TRPC4: variants seen among roughly 807,000 people sequenced by gnomAD.
The protein encoded by TRPC4 is short transient receptor potential channel 4.
A neutral mutation model predicts 99.4 loss-of-function variants in TRPC4; 49 were observed. That is an observed-to-expected ratio of 0.49 (90% confidence interval 0.39 to 0.63). The LOEUF is 0.63. Ranked by LOEUF, TRPC4 falls within the 20% of genes least tolerant of loss-of-function variation. The pLI, the probability that TRPC4 is intolerant of heterozygous loss-of-function variation, is 0.00. For synonymous variants in TRPC4, 454 were observed against 425.9 expected (o/e 1.07, Z -0.81); for missense variants, 898 against 1,152.9 (o/e 0.78, Z 3.20).
At chr13:37,789,937 A>G (rs1349124433) in intron 1 of TRPC4, among the ~76,000 whole-genome samples, 1 of 152,170 alleles carries the variant, frequency 6.6e-6, no homozygotes, top group African/African-American at 2.4e-5. Flanking sequence ...TGAGTATCTT[A>G]TAACAGAAGA....
chr13:37,674,330 G>C lies in TRPC4; in HGVS notation c.1272C>G (p.Gly424=). 6.2e-7 allele frequency: 1 copy of C among 1,606,742 alleles called. No homozygotes were observed. Among genetic ancestry groups the C allele is most frequent in the South Asian group, 1.1e-5 (1 of 87,844 alleles). Residue 424 remains glycine (G), a synonymous_variant, in exon 5 of 11, where the codon GGC becomes GGG. Coordinates refer to ENST00000379705, the MANE Select transcript of TRPC4 (RefSeq NM_016179.4). ...IWGEIKQMWD[G]GLQDYIHDWW... The stretch of plus-strand genomic sequence containing the variant: ...AATCATGGATGTAGTCCTGAAGTCC[G>C]CCATCCCACATCTGTTTAATTTCTC...
At chr13:37,790,604 G>A (rs1957093745) in intron 1 of TRPC4, among the ~76,000 whole-genome samples, 1 of 152,072 alleles carries the variant, frequency 6.6e-6, no homozygotes. Context: ...TACTTATCAG[G>A]ACTCTCTTCA....
At chr13:37,674,111 T>C in intron 5 of TRPC4, 117 bp downstream of exon 5, 6 of 959,576 alleles carry the variant, frequency 6.3e-6, no homozygotes, top group East Asian at 3.0e-5. Context: ...CATGAGCTGA[T>C]GAATACGACA....
At chr13:37,747,218 G>A (rs187127068) in intron 2 of TRPC4, among the ~76,000 whole-genome samples, 5 of 152,154 alleles carry the variant, frequency 3.3e-5, no homozygotes, top group South Asian at 2.1e-4. Flanking sequence ...AATAATAGCC[G>A]CCATTTAGTA....
chr13:37,845,321 G>T (rs1053347577), intron 1 of TRPC4, among the ~76,000 whole-genome samples: 2 of 152,038 alleles, frequency 1.3e-5, no homozygotes, highest in Non-Finnish European at 2.9e-5. Context: ...AAGAAATGGA[G>T]ATCTATAAAA....
chr13:37,766,200 T>A (rs1956361299), intron 2 of TRPC4, among the ~76,000 whole-genome samples: 1 of 151,446 alleles, frequency 6.6e-6, no homozygotes, highest in Non-Finnish European at 1.5e-5. Flanking sequence ...ACTCCTAGAA[T>A]TGTTGACAAT....
At chr13:37,733,432 T>C (rs576487763) in intron 3 of TRPC4, among the ~76,000 whole-genome samples, 1 of 152,302 alleles carries the variant, frequency 6.6e-6, no homozygotes, top group East Asian at 1.9e-4. Context: ...AGATGATGGA[T>C]ATAAAATAAT....
At chr13:37,869,335 G>T (rs1471597497) in intron 1 of TRPC4, among the ~76,000 whole-genome samples, 1 of 152,160 alleles carries the variant, frequency 6.6e-6, no homozygotes, top group African/African-American at 2.4e-5. Context: ...CTTTAAAGCC[G>T]AGTGCGGCGG....
At chr13:37,833,668 A>G (rs1411678751) in intron 1 of TRPC4, among the ~76,000 whole-genome samples, 1 of 152,044 alleles carries the variant, frequency 6.6e-6, no homozygotes, top group Non-Finnish European at 1.5e-5. Flanking sequence ...TATTTCTGGC[A>G]TCTCGGGGTT....
intron 2 of TRPC4, among the ~76,000 whole-genome samples, chr13:37,749,245 T>C (rs551387483): frequency 6.6e-6 from 1 of 152,238 alleles, no homozygotes; most frequent in African/African-American, 2.4e-5. Context: ...CTCTTTCCTT[T>C]ATAAATTACC....
intron 8 of TRPC4, among the ~76,000 whole-genome samples, chr13:37,647,666 T>C (rs562166936): frequency 1.3e-3 from 193 of 152,342 alleles, no homozygotes; most frequent in Admixed American, 3.5e-3. Context: ...TTGAGCTAAA[T>C]GATATCTAAG....
At chr13:37,670,063 C>T (rs1362885165) in intron 5 of TRPC4, among the ~76,000 whole-genome samples, 1 of 152,016 alleles carries the variant, frequency 6.6e-6, no homozygotes, top group South Asian at 2.1e-4. Context: ...ACCCCTTATG[C>T]CCCACCCCCA....
At chr13:37,853,115 A>G (rs1959100245) in intron 1 of TRPC4, among the ~76,000 whole-genome samples, 1 of 152,024 alleles carries the variant, frequency 6.6e-6, no homozygotes, top group South Asian at 2.1e-4. Flanking sequence ...CATAGGTGGT[A>G]GCCAGGTGGC....
intron 1 of TRPC4, among the ~76,000 whole-genome samples, chr13:37,795,705 C>T (rs1277487572): frequency 6.6e-6 from 1 of 152,120 alleles, no homozygotes; most frequent in Non-Finnish European, 1.5e-5. Flanking sequence ...TTTTCATAAC[C>T]AGTCCTACCA....
intron 1 of TRPC4, among the ~76,000 whole-genome samples, chr13:37,839,749 T>C (rs545506127): frequency 2.0e-5 from 3 of 152,290 alleles, no homozygotes; most frequent in African/African-American, 4.8e-5. Context: ...CTGGAATCTA[T>C]GTAGCATCAA....
intron 1 of TRPC4, among the ~76,000 whole-genome samples, chr13:37,799,401 T>C (rs1353862906): frequency 6.6e-6 from 1 of 152,180 alleles, no homozygotes; most frequent in Admixed American, 6.6e-5. Flanking sequence ...GCCTCTTCTT[T>C]TGTCAAATTC....
intron 2 of TRPC4, among the ~76,000 whole-genome samples, chr13:37,772,601 A>G (rs1045337329): frequency 6.6e-6 from 1 of 151,818 alleles, no homozygotes; most frequent in Non-Finnish European, 1.5e-5. Context: ...TTTCAACATA[A>G]TATTCTAAGA....
chr13:37,865,432 G>A lies in TRPC4; in HGVS notation c.-28+4163C>T, dbSNP rs1223283441. On this transcript the variant is annotated intron_variant, in intron 1 of 10. Transcript: ENST00000379705. ...CTAAAAAATTATAATCTTGAACTTT[G>A]TTCATAAAAACAAACTTTTTTTTTC... Among the ~76,000 whole-genome samples, 9 of 151,240 alleles carry A rather than the reference G, an allele frequency of 6.0e-5. No homozygotes were observed. The East Asian group carries it at 1.7e-3, about 29-fold the overall frequency.
chr13:37,691,741 G>T (rs1953719088), intron 4 of TRPC4, among the ~76,000 whole-genome samples: 1 of 152,162 alleles, frequency 6.6e-6, no homozygotes, highest in South Asian at 2.1e-4. Context: ...AACTCAGAGG[G>T]TCAGTCGTGG....
Sources: gnomAD v4.1 joint callset for allele counts (sites outside exome capture counted in the v4.1 genomes callset) on GRCh38, gnomAD v4.1.1 for gene constraint, MANE v1.5 for transcripts, NCBI Gene and HGNC (gene_info 2026-07-23, HGNC 2026-07-21) for gene names.